SPAG9: variants seen among roughly 807,000 people sequenced by gnomAD.
The protein encoded by SPAG9 is C-Jun-amino-terminal kinase-interacting protein 4.
SPAG9 carries 35 observed loss-of-function variants against 166.5 expected under a neutral mutation model. The observed-to-expected ratio is 0.21, with a 90% confidence interval of 0.16 to 0.28. SPAG9 has a LOEUF of 0.28. SPAG9 is among the 10% of genes least tolerant of loss of function. SPAG9 has a pLI of 1.00. For missense variants in SPAG9, 1,235 were observed against 1,603.3 expected, an observed-to-expected ratio of 0.77 and a Z score of 3.92; for synonymous variants, 534 against 565.5, an observed-to-expected ratio of 0.94 and a Z score of 0.79.
chr17:51,080,039 GAAC>G (rs1393434426), intron 1 of SPAG9, among the ~76,000 whole-genome samples: 4 of 152,146 alleles, frequency 2.6e-5, no homozygotes, highest in Non-Finnish European at 4.4e-5. Context: ...GTACAATAGA[GAAC>G]AAAAGAATGA....
chr17:51,115,133 G>A (rs186476073), intron 1 of SPAG9, among the ~76,000 whole-genome samples: 1 of 152,250 alleles, frequency 6.6e-6, no homozygotes, highest in African/African-American at 2.4e-5. Flanking sequence ...CTGATTCCAT[G>A]GGAACAAGTT....
chr17:51,054,972 A>G (rs1470276651), intron 3 of SPAG9, among the ~76,000 whole-genome samples: 1 of 152,218 alleles, frequency 6.6e-6, no homozygotes, highest in Non-Finnish European at 1.5e-5. Context: ...TGCTAACCAC[A>G]TTATTCAAAT....
intron 1 of SPAG9, among the ~76,000 whole-genome samples, chr17:51,110,518 C>G (rs2049077340): frequency 6.6e-6 from 1 of 151,426 alleles, no homozygotes; most frequent in Non-Finnish European, 1.5e-5. Context: ...TGGTGAAACC[C>G]GTCTTTACAA....
At chr17:51,079,552 A>C in intron 2 of SPAG9, 32 bp downstream of exon 2, 1 of 1,606,912 alleles carries the variant, frequency 6.2e-7, no homozygotes, top group East Asian at 2.2e-5. Context: ...CCCAATCTTT[A>C]GTGTACTTAT....
intron 1 of SPAG9, among the ~76,000 whole-genome samples, chr17:51,102,831 G>A (rs2048844358): frequency 1.3e-5 from 2 of 152,074 alleles, no homozygotes. Flanking sequence ...GTTATTTTTA[G>A]AGATGGGGTC....
chr17:51,027,812 ACTC>A (rs1161654761), intron 6 of SPAG9, among the ~76,000 whole-genome samples: 4 of 152,124 alleles, frequency 2.6e-5, no homozygotes, highest in Non-Finnish European at 2.9e-5. Context: ...TTTAAAGTAT[ACTC>A]CTCCTTCTAC....
In SPAG9 at chr17:50,979,836, G is replaced by A; in HGVS notation, c.3319C>T (p.Arg1107Cys). ...TAGAGACGGAGCGTAGAATCCAAGC[G>A]AATGGAGACCCACACGCCATCCCCC... Reference protein sequence around the residue: ...WVGDGVWVSIRLDSTLRLYHA... With the variant: ...WVGDGVWVSICLDSTLRLYHA... Residue 1107 changes from arginine (R) to cysteine (C), a missense_variant, in exon 26 of 30, where the codon CGC becomes TGC. By Grantham distance (180) the Arg-to-Cys change is radical. Around this residue, in one of 6 missense-constraint regions of SPAG9, gnomAD observed 243 missense variants for 358.6 expected, o/e 0.68. Transcript: ENST00000262013. 1.9e-6 allele frequency: 3 copies of A among 1,614,136 alleles called. No individual in the cohort carries two copies. The highest frequency in any genetic ancestry group is 2.5e-6 in the Non-Finnish European group (3 of 1,180,008).
At position 51,042,989 on chromosome 17, in the gene SPAG9, C is replaced by T. The variant is rs141463094; in HGVS notation, c.591-1338G>A. Among the ~76,000 whole-genome samples, 540 of 152,270 alleles carry T rather than the reference C, an allele frequency of 3.5e-3. 13 individuals are homozygous for T. The East Asian group carries it at 0.047, about 13-fold the overall frequency. On this transcript the variant is annotated intron_variant, in intron 4 of 29. Transcript: ENST00000262013. ...CACTGCAAGCTCTGCCTCCCAGGTT[C>T]AAGCAATTCTCCTGCCTCAGCCTCC...
At chr17:50,997,385 C>T (rs1395325067) in intron 15 of SPAG9, among the ~76,000 whole-genome samples, 22 of 152,016 alleles carry the variant, frequency 1.4e-4, no homozygotes, top group Admixed American at 1.4e-3. Context: ...TATCCTAATG[C>T]CAGAAAACGT....
chr17:51,092,731 T>C (rs973591937), intron 1 of SPAG9, among the ~76,000 whole-genome samples: 1 of 117,532 alleles, frequency 8.5e-6, no homozygotes. Flanking sequence ...CTGGGGAACA[T>C]AGAGAGACCC....
intron 19 of SPAG9, among the ~76,000 whole-genome samples, chr17:50,992,778 G>A (rs902758818): frequency 2.6e-5 from 4 of 152,098 alleles, no homozygotes; most frequent in African/African-American, 9.7e-5. Flanking sequence ...CGAAGCGGGT[G>A]GATCACCTGA....
In SPAG9 at chr17:51,047,435, G is replaced by A. The variant is rs1181395163; in HGVS notation, c.530C>T (p.Thr177Ile). 4.4e-6 allele frequency: 7 copies of A among 1,585,194 alleles called. No homozygotes were observed. The highest frequency in any genetic ancestry group is 1.4e-5 in the African/African-American group (1 of 73,834). The change falls in exon 4 of 30, where the codon ACA becomes ATA. Residue 177 changes from threonine to isoleucine, a missense_variant. Around this residue, in one of 6 missense-constraint regions of SPAG9, gnomAD observed 288 missense variants for 323.7 expected, o/e 0.89. Transcript: ENST00000262013. ...IHNYMEHLER[T>I]KLHQLSGSDQ... ...ACTCCCTGAGAGCTGATGAAGTTTTGTTCTTTCTAAATGTTCCATATAATT... is the reference window on the plus strand; with the variant it reads ...ACTCCCTGAGAGCTGATGAAGTTTTATTCTTTCTAAATGTTCCATATAATT...
chr17:50,990,983 T>C (rs1038139676), intron 19 of SPAG9, among the ~76,000 whole-genome samples: 1 of 151,544 alleles, frequency 6.6e-6, no homozygotes, highest in Non-Finnish European at 1.5e-5. Context: ...TTCAGCTCAC[T>C]GCAACCTCCG....
intron 14 of SPAG9, among the ~76,000 whole-genome samples, chr17:50,998,859 A>G (rs951900533): frequency 1.3e-5 from 2 of 152,234 alleles, no homozygotes; most frequent in Non-Finnish European, 2.9e-5. Flanking sequence ...TTAACTAGCA[A>G]TTTGTATAAT....
chr17:51,092,414 G>C (rs1240684683), intron 1 of SPAG9, among the ~76,000 whole-genome samples: 2 of 152,120 alleles, frequency 1.3e-5, no homozygotes. Context: ...CTCTTGTTTA[G>C]ATACTGATTG....
At chr17:51,042,842 A>G (rs2046889734) in intron 4 of SPAG9, among the ~76,000 whole-genome samples, 1 of 152,202 alleles carries the variant, frequency 6.6e-6, no homozygotes, top group Non-Finnish European at 1.5e-5. Context: ...AAATTTAAAA[A>G]CAGAACTTTG....
rs1381914808 is a variant in SPAG9 at position 51,053,854 on chromosome 17, AGTATATATAT to A, written c.495+2548_495+2557del. On this transcript the variant is annotated intron_variant, in intron 3 of 29. Transcript: ENST00000262013. The stretch of plus-strand genomic sequence containing the variant: ...CCCTAATTAAAAAAAAAAAAAAAAA[AGTATATATAT>A]ATATATATATATATATATATATATA... 6.0e-3 allele frequency among the ~76,000 whole-genome samples: 208 copies of A among 34,438 alleles called. 2 individuals are homozygous for A. Among genetic ancestry groups the A allele is most frequent in the African/African-American group, 0.01 (64 of 6,238 alleles). The allele number at this position is 34,438 out of a possible 152,430, so 22.6% of individuals were successfully genotyped here. A position where few individuals can be genotyped will look rare whatever the true frequency, so the allele number is the denominator to read the frequency against.
chr17:51,003,814 T>C (rs1781133553), intron 12 of SPAG9, among the ~76,000 whole-genome samples: 1 of 152,190 alleles, frequency 6.6e-6, no homozygotes. Flanking sequence ...ATAAAGATCT[T>C]AAGTTTATAA....
At chr17:50,995,711 G>C in intron 16 of SPAG9, 178 bp from the exon 17 acceptor site, 2 of 570,732 alleles carry the variant, frequency 3.5e-6, no homozygotes. Context: ...GCCCAGGCTA[G>C]AGTGCAGTGG....
Sources: gnomAD v4.1 joint callset for allele counts (sites outside exome capture counted in the v4.1 genomes callset) on GRCh38, gnomAD v4.1.1 for gene constraint, gnomAD v4.1.1 regional missense constraint, MANE v1.5 for transcripts, NCBI Gene and HGNC (gene_info 2026-07-23, HGNC 2026-07-21) for gene names.